DENND4C: variants seen among roughly 807,000 people sequenced by gnomAD.
The protein encoded by DENND4C is DENN domain containing 4C.
Under a neutral mutation model 203.0 loss-of-function variants are expected in DENND4C, and 108 were observed. That is an observed-to-expected ratio of 0.53 (90% confidence interval 0.46 to 0.62). DENND4C has a LOEUF of 0.62. DENND4C is among the 20% of genes least tolerant of loss of function. The pLI is 0.00. For missense variants in DENND4C, 2,481 were observed against 2,301.2 expected (o/e 1.08, Z -1.60); for synonymous variants, 871 against 792.4 (o/e 1.10, Z -1.67).
At chr9:19,288,926 T>G (rs1835733762) in intron 4 of DENND4C, among the ~76,000 whole-genome samples, 2 of 152,248 alleles carry the variant, frequency 1.3e-5, no homozygotes. Flanking sequence ...ATTCAAGCTT[T>G]TGGTCTACGT....
chr9:19,323,936 G>A (rs1843303088), intron 12 of DENND4C, among the ~76,000 whole-genome samples: 1 of 152,160 alleles, frequency 6.6e-6, no homozygotes, highest in South Asian at 2.1e-4. Context: ...TGCAGAATCT[G>A]AAACTTTCTG....
At chr9:19,244,041 C>G (rs1824461185) in intron 1 of DENND4C, among the ~76,000 whole-genome samples, 1 of 151,560 alleles carries the variant, frequency 6.6e-6, no homozygotes. Flanking sequence ...CTTTTTTCTT[C>G]TTTTTTTGAG....
At chr9:19,265,766 C>G (rs567811069) in intron 1 of DENND4C, among the ~76,000 whole-genome samples, 2 of 152,312 alleles carry the variant, frequency 1.3e-5, no homozygotes, top group East Asian at 1.9e-4. Flanking sequence ...ATCCATGTCA[C>G]TACAAAGGAC....
intron 1 of DENND4C, among the ~76,000 whole-genome samples, chr9:19,263,748 G>A (rs1308238855): frequency 6.6e-6 from 1 of 151,310 alleles, no homozygotes; most frequent in East Asian, 1.9e-4. Context: ...TCTGCCTTCC[G>A]GGTTCAAGCG....
At chr9:19,288,273 A>G (rs540179005) in intron 3 of DENND4C, among the ~76,000 whole-genome samples, 1 of 152,320 alleles carries the variant, frequency 6.6e-6, no homozygotes, top group Admixed American at 6.5e-5. Flanking sequence ...CAGTGACCCA[A>G]GTCTTCCCCA....
intron 1 of DENND4C, among the ~76,000 whole-genome samples, chr9:19,244,076 G>C (rs1824475745): frequency 6.6e-6 from 1 of 152,106 alleles, no homozygotes; most frequent in African/African-American, 2.4e-5. Context: ...TGCCGCCCAG[G>C]CTGAAGTGCA....
Position 19,290,781 on chromosome 9 carries a change from C to T in DENND4C, c.706C>T (p.Pro236Ser). The T allele has an allele frequency of 6.2e-7, 1 of 1,608,318 alleles. No individual in the cohort carries two copies. Among genetic ancestry groups the T allele is most frequent in the Non-Finnish European group, 8.5e-7 (1 of 1,176,814 alleles). The stretch of plus-strand genomic sequence containing the variant: ...ATCAGATGTACCTCTTTTCTGCCTT[C>T]CTATGGGAGCTACTATTGAGTGCTG... ...SESDVPLFCL[P>S]MGATIECWDP... Residue 236 changes from proline to serine, a missense_variant, in exon 5 of 33, where the codon CCT becomes TCT. Coordinates refer to ENST00000434457, the MANE Select transcript of DENND4C (RefSeq NM_001330640.2).
intron 23 of DENND4C, among the ~76,000 whole-genome samples, chr9:19,348,851 C>T (rs73418017): frequency 0.015 from 2,346 of 152,176 alleles, 57 homozygotes; most frequent in African/African-American, 0.054. Flanking sequence ...CTCTGTTACC[C>T]AAGCTGGAAT....
chr9:19,306,464 G>T (rs1839679181), intron 10 of DENND4C, among the ~76,000 whole-genome samples: 1 of 152,132 alleles, frequency 6.6e-6, no homozygotes. Flanking sequence ...CAGCTTGAAA[G>T]TAATGAACAA....
intron 2 of DENND4C, among the ~76,000 whole-genome samples, chr9:19,281,736 C>T (rs1834081453): frequency 6.6e-6 from 1 of 152,184 alleles, no homozygotes; most frequent in South Asian, 2.1e-4. Context: ...ATTGTGTGAA[C>T]ATCATAGAGT....
rs572034912 is a variant in DENND4C at position 19,371,946 on chromosome 9, A to G, written c.5741-91A>G. On this transcript the variant is annotated intron_variant, in intron 32 of 32. Coordinates refer to ENST00000434457, the MANE Select transcript of DENND4C (RefSeq NM_001330640.2). ...TTCTACTTCTAAATATATAGTTCAA[A>G]TACATATAATTTGACTCAATACCAA... 23 of 1,381,082 alleles carry G rather than the reference A, an allele frequency of 1.7e-5. No homozygotes were observed. The African/African-American group carries it at 3.0e-4, about 18-fold the overall frequency. The allele number at this position is 1,381,082 out of a possible 1,614,324, so 85.6% of individuals were successfully genotyped here.
intron 12 of DENND4C, among the ~76,000 whole-genome samples, chr9:19,320,217 AAGACAG>A (rs1842649440): frequency 6.6e-6 from 1 of 151,244 alleles, no homozygotes; most frequent in South Asian, 2.1e-4. Flanking sequence ...TTTTTTTTTA[AAGACAG>A]AGTCTTTGCT....
Position 19,290,892 on chromosome 9 carries a change from A to C in DENND4C, c.801+16A>C, listed in dbSNP as rs143701998. Reference sequence around the variant, plus strand: ...AGCCAAAAAGGTATGTTTTTGTCTCATTGATTAAACACATTTTGTCCATGT... The same window carrying C: ...AGCCAAAAAGGTATGTTTTTGTCTCCTTGATTAAACACATTTTGTCCATGT... On this transcript the variant is annotated intron_variant, in intron 5 of 32. Coordinates refer to ENST00000434457, the MANE Select transcript of DENND4C (RefSeq NM_001330640.2). 6.2e-7 allele frequency: 1 copy of C among 1,604,958 alleles called. No homozygotes were observed. Among genetic ancestry groups the C allele is most frequent in the East Asian group, 2.2e-5 (1 of 44,698 alleles).
chr9:19,370,450 G>A (rs1423160219), intron 31 of DENND4C, among the ~76,000 whole-genome samples: 1 of 149,282 alleles, frequency 6.7e-6, no homozygotes, highest in Non-Finnish European at 1.5e-5. Flanking sequence ...GCAAAACCCT[G>A]TCTCAAAAAA....
rs60484849 is a variant in DENND4C, at chr9:19,328,657, GTCTATCTA to G, written c.2253+527_2253+534del. On this transcript the variant is annotated intron_variant, in intron 16 of 32. Coordinates refer to ENST00000434457, the MANE Select transcript of DENND4C (RefSeq NM_001330640.2). ...TGTCTGTCTGTCTGTCTGTCTGTCT[GTCTATCTA>G]TCTATCTATCTATCTATCTATCTAT... Among the ~76,000 whole-genome samples the G allele has an allele frequency of 9.0e-3, 1,074 of 119,348 alleles. 6 individuals are homozygous for G. The highest frequency in any genetic ancestry group is 0.012 in the Non-Finnish European group (706 of 57,282). The allele number at this position is 119,348 out of a possible 152,430, so 78.3% of individuals were successfully genotyped here. A position where few individuals can be genotyped will look rare whatever the true frequency, so the allele number is the denominator to read the frequency against.
chr9:19,252,453 T>C (rs978775243), intron 1 of DENND4C, among the ~76,000 whole-genome samples: 4 of 152,002 alleles, frequency 2.6e-5, no homozygotes, highest in African/African-American at 9.7e-5. Context: ...GTGCTGCACA[T>C]CTGTAGTCAT....
intron 1 of DENND4C, among the ~76,000 whole-genome samples, chr9:19,260,851 C>T (rs554800156): frequency 1.3e-5 from 2 of 151,976 alleles, no homozygotes; most frequent in Non-Finnish European, 2.9e-5. Flanking sequence ...CTTTGGTTAC[C>T]TATGCTTTTG....
chr9:19,352,445 A>G, intron 25 of DENND4C, 45 bp from the exon 26 acceptor site: 1 of 1,490,294 alleles, frequency 6.7e-7, no homozygotes, highest in Non-Finnish European at 9.0e-7. Context: ...TGTTAAGATT[A>G]ATTTTTATTA....
In DENND4C at chr9:19,364,549, A is replaced by G. The variant is rs141737122; in HGVS notation, c.5524+2586A>G. On this transcript the variant is annotated intron_variant, in intron 30 of 32. Coordinates refer to ENST00000434457, the MANE Select transcript of DENND4C (RefSeq NM_001330640.2). ...GCTCATAAAGCAGGAATGTCACTCT[A>G]AAAGAAGGGCCACTGTTCCCAGCCC... Among the ~76,000 whole-genome samples, 1,262 of 152,244 alleles carry G rather than the reference A, an allele frequency of 8.3e-3. 21 individuals are homozygous for G. Among genetic ancestry groups the G allele is most frequent in the African/African-American group, 0.029 (1,219 of 41,550 alleles).
Sources: gnomAD v4.1 joint callset for allele counts (sites outside exome capture counted in the v4.1 genomes callset) on GRCh38, gnomAD v4.1.1 for gene constraint, MANE v1.5 for transcripts, NCBI Gene and HGNC (gene_info 2026-07-23, HGNC 2026-07-21) for gene names.